The following RRBP1 variants were observed in gnomAD, a reference collection of about 807,000 sequenced individuals.
The protein encoded by RRBP1 is ribosome binding protein 1, also known as ribosome-binding protein 1.
A neutral mutation model predicts 165.2 loss-of-function variants in RRBP1; 94 were observed. The ratio of observed to expected loss-of-function variants is 0.57; its 90% CI spans 0.48 to 0.68. The LOEUF (loss-of-function observed/expected upper bound fraction) is 0.68, where lower values mean the gene tolerates loss of function less well. Among genes scored for constraint, RRBP1 ranks in the 30% least tolerant of loss-of-function variants. The probability of loss-of-function intolerance (pLI) is 0.00; values close to 1 mark genes in which losing one functional copy is unlikely to be tolerated. For synonymous variants in RRBP1, 680 were observed against 714.5 expected, an observed-to-expected ratio of 0.95 and a Z score of 0.77; for missense variants, 1,676 against 1,763.0, an observed-to-expected ratio of 0.95 and a Z score of 0.88.
Position 17,614,138 on chromosome 20 carries a change from AT to A in RRBP1, c.*43del. 4 of 1,602,160 alleles carry A rather than the reference AT, an allele frequency of 2.5e-6. No homozygotes were observed. The highest frequency in any genetic ancestry group is 1.3e-5 in the African/African-American group (1 of 74,854). ...TTTATTTGTAAGGAATGTGTAAGGC[AT>A]TTTGGTAAGTTGAACAGTAACTTCT... On this transcript the variant is annotated 3_prime_UTR_variant, in exon 25 of 25. Coordinates refer to ENST00000377813, the MANE Select transcript of RRBP1 (RefSeq NM_001365613.2).
intron 7 of RRBP1, among the ~76,000 whole-genome samples, chr20:17,634,761 C>T (rs982545961): frequency 5.3e-5 from 8 of 152,196 alleles, no homozygotes; most frequent in Non-Finnish European, 4.4e-5. Context: ...CCACAAACCT[C>T]CAACCAGCCG....
intron 5 of RRBP1, among the ~76,000 whole-genome samples, chr20:17,637,659 T>C (rs910473042): frequency 3.9e-5 from 6 of 152,072 alleles, no homozygotes; most frequent in Non-Finnish European, 7.4e-5. Flanking sequence ...AAGGCCAGAG[T>C]GTCCCTCTTG....
intron 7 of RRBP1, among the ~76,000 whole-genome samples, chr20:17,635,138 G>C (rs1241653377): frequency 6.6e-6 from 1 of 152,234 alleles, no homozygotes; most frequent in African/African-American, 2.4e-5. Context: ...AAGCAGAAGT[G>C]CGGCTGTACT....
At chr20:17,668,858 C>A (rs1300542684) in intron 2 of RRBP1, among the ~76,000 whole-genome samples, 1 of 152,168 alleles carries the variant, frequency 6.6e-6, no homozygotes, top group Non-Finnish European at 1.5e-5. Context: ...CAGTCACTCG[C>A]TGCAACCTTG....
At chr20:17,652,400 C>A (rs900043551) in intron 3 of RRBP1, among the ~76,000 whole-genome samples, 1 of 152,188 alleles carries the variant, frequency 6.6e-6, no homozygotes, top group African/African-American at 2.4e-5. Context: ...TGGGACAGCA[C>A]AGCCCTAGGC....
intron 23 of RRBP1, among the ~76,000 whole-genome samples, 182 bp from the exon 24 acceptor site, chr20:17,615,062 G>A (rs879517541): frequency 1.3e-5 from 2 of 152,212 alleles, no homozygotes; most frequent in Non-Finnish European, 2.9e-5. Flanking sequence ...GACCGTGAGG[G>A]CTGGGTCCTG....
rs961821517 is a variant in RRBP1, at chr20:17,641,923, G to C, written c.2062-4C>G. On this transcript the variant is annotated splice_region_variant and splice_polypyrimidine_tract_variant and intron_variant, in intron 4 of 24. Coordinates refer to ENST00000377813, the MANE Select transcript of RRBP1 (RefSeq NM_001365613.2). ...CAGGGTCACCCTTCTGAGTGGCCTA[G>C]AAATACCCAGAGATGCGTTAACAGA... 1.6e-5 allele frequency: 26 copies of C among 1,612,668 alleles called. No homozygotes were observed. The highest frequency in any genetic ancestry group is 2.2e-5 in the Non-Finnish European group (26 of 1,178,920).
chr20:17,614,215 GTCC>G lies in RRBP1; in HGVS notation c.4197_4199del (p.Glu1399del), dbSNP rs774076754. 8.1e-6 allele frequency: 13 copies of G among 1,613,520 alleles called. No individual in the cohort carries two copies. In the South Asian group the frequency reaches 8.8e-5, roughly 11 times the overall value. On this transcript the variant is annotated inframe_deletion and splice_region_variant, in exon 25 of 25. Transcript: ENST00000377813. ...AGGTGCCCTCCTTTGAGCTGCTGCC[GTCC>G]TCCTGTGAACGAAGGCAGGTGGCGT... is the stretch of plus-strand genomic sequence containing the variant.
intron 17 of RRBP1, 63 bp downstream of exon 17, chr20:17,620,652 G>A (rs2035895947): frequency 7.9e-7 from 1 of 1,267,160 alleles, no homozygotes; most frequent in East Asian, 2.4e-5. Flanking sequence ...AGACAATCCT[G>A]TCAACTCTCC....
chr20:17,625,476 G>A, intron 12 of RRBP1, 36 bp downstream of exon 12: 1 of 1,587,684 alleles, frequency 6.3e-7, no homozygotes, highest in South Asian at 1.1e-5. Flanking sequence ...GTGCTTCCCT[G>A]GCCCGTCCGT....
rs1173030521 is a variant in RRBP1 at position 17,660,545 on chromosome 20, G to T, written c.-21-17C>A. 6 of 1,461,546 alleles carry T rather than the reference G, an allele frequency of 4.1e-6. No individual in the cohort carries two copies. In the East Asian group the frequency reaches 6.8e-5, roughly 17 times the overall value. 90.5% of individuals were successfully genotyped at this position (1,461,546 alleles called of 1,614,324 possible). ...TCCTTTCACCTGTCAAACATACATGGAGGTTACTATTTATAGAAATCAAGG... is the reference window on the plus strand; with the variant it reads ...TCCTTTCACCTGTCAAACATACATGTAGGTTACTATTTATAGAAATCAAGG... On this transcript the variant is annotated splice_polypyrimidine_tract_variant and intron_variant, in intron 2 of 24. Transcript: ENST00000377813.
chr20:17,656,828 A>G (rs1467191418), intron 3 of RRBP1, among the ~76,000 whole-genome samples: 1 of 152,182 alleles, frequency 6.6e-6, no homozygotes, highest in African/African-American at 2.4e-5. Context: ...CCTTTCATCG[A>G]TAATATTTCA....
chr20:17,643,130 G>A lies in RRBP1; in HGVS notation c.1913-3C>T. The A allele has an allele frequency of 6.2e-7, 1 of 1,613,512 alleles. No homozygotes were observed. Among genetic ancestry groups the A allele is most frequent in the Non-Finnish European group, 8.5e-7 (1 of 1,179,914 alleles). On this transcript the variant is annotated splice_polypyrimidine_tract_variant and splice_region_variant and intron_variant, in intron 3 of 24. Coordinates refer to ENST00000377813, the MANE Select transcript of RRBP1 (RefSeq NM_001365613.2). The surrounding 1 kb of genome is among the most constrained non-coding windows in gnomAD (Gnocchi z 4.3). The stretch of plus-strand genomic sequence containing the variant: ...AGGGCCGTCGGCATCTGGGGGCCCT[G>A]TGCAGCAAGAGGGAAAGAGCTGAGA...
intron 9 of RRBP1, among the ~76,000 whole-genome samples, 182 bp downstream of exon 9, chr20:17,629,641 G>A (rs945193013): frequency 6.8e-6 from 1 of 147,876 alleles, no homozygotes. Context: ...TGCGCCCCCC[G>A]CCAGCCCCTG....
Position 17,616,729 on chromosome 20 carries a change from A to T in RRBP1, c.3867+3T>A, listed in dbSNP as rs375442920. 7 of 1,602,542 alleles carry T rather than the reference A, an allele frequency of 4.4e-6. No individual in the cohort carries two copies. The African/African-American group carries it at 9.4e-5, about 22-fold the overall frequency. On this transcript the variant is annotated splice_donor_region_variant and intron_variant, in intron 21 of 24. Transcript: ENST00000377813. The stretch of plus-strand genomic sequence containing the variant: ...TGTCTGGGGACCAGCTCACCGCCCT[A>T]ACCTGAACGGGGTCCTGCTCGGCTG...
rs533859613 is a variant in RRBP1 at position 17,629,799 on chromosome 20, C to T, written c.2749+24G>A. The T allele has an allele frequency of 4.8e-5, 77 of 1,587,922 alleles. No individual in the cohort carries two copies. In the African/African-American group the frequency reaches 7.9e-4, roughly 16 times the overall value. On this transcript the variant is annotated intron_variant, in intron 9 of 24. Transcript: ENST00000377813. ...GACCCAGCACCCTGCACTGAACCCCCGGCCCCACTGCCGCCGCCCTTACCG... is the reference window on the plus strand; with the variant it reads ...GACCCAGCACCCTGCACTGAACCCCTGGCCCCACTGCCGCCGCCCTTACCG...
chr20:17,670,817 A>G (rs1480484128), intron 2 of RRBP1, among the ~76,000 whole-genome samples: 2 of 152,104 alleles, frequency 1.3e-5, no homozygotes, highest in Admixed American at 6.5e-5. Flanking sequence ...CTAAATGTCT[A>G]TATGTGGATT....
intron 9 of RRBP1, among the ~76,000 whole-genome samples, chr20:17,628,245 C>A (rs954288044): frequency 6.6e-6 from 1 of 152,138 alleles, no homozygotes; most frequent in Non-Finnish European, 1.5e-5. Context: ...TGCACTCTCC[C>A]CAACCCCAGG....
chr20:17,678,005 C>T (rs916495436), intron 2 of RRBP1, among the ~76,000 whole-genome samples: 1 of 152,132 alleles, frequency 6.6e-6, no homozygotes, highest in Non-Finnish European at 1.5e-5. Context: ...TCTAGTCTTG[C>T]CAAAAAAATC....
Sources: allele counts gnomAD v4.1 joint callset (sites outside exome capture counted in the v4.1 genomes callset), GRCh38; gene constraint gnomAD v4.1.1; non-coding constraint Gnocchi (gnomAD v3.1); transcripts MANE v1.5; gene names NCBI Gene and HGNC (gene_info 2026-07-23, HGNC 2026-07-21).